FHDC1: variants seen among roughly 807,000 people sequenced by gnomAD.
FHDC1 encodes FH2 domain-containing protein 1.
A neutral mutation model predicts 52.6 loss-of-function variants in FHDC1; 25 were observed. The observed-to-expected ratio is 0.48, with a 90% CI of 0.35 to 0.66. FHDC1 has a LOEUF of 0.66. FHDC1 is among the 30% of genes least tolerant of loss of function. The probability of loss-of-function intolerance (pLI) is 0.01; values close to 1 mark genes in which losing one functional copy is unlikely to be tolerated. For missense variants in FHDC1, 1,459 were observed against 1,452.8 expected, an observed-to-expected ratio of 1.00 and a Z score of -0.07; for synonymous variants, 616 against 581.5, an observed-to-expected ratio of 1.06 and a Z score of -0.85.
intron 10 of FHDC1, among the ~76,000 whole-genome samples, chr4:152,969,708 C>T (rs1740579612): frequency 7.0e-6 from 1 of 141,932 alleles, no homozygotes; most frequent in Non-Finnish European, 1.5e-5. Flanking sequence ...CTCACCCTGT[C>T]ACCCAGGCTG....
upstream of FHDC1, among the ~76,000 whole-genome samples, chr4:152,934,499 A>G (rs1040470978): frequency 6.6e-6 from 1 of 152,206 alleles, no homozygotes; most frequent in African/African-American, 2.4e-5. Context: ...GGCCCTTCCA[A>G]GGATACATGT....
intron 8 of FHDC1, among the ~76,000 whole-genome samples, chr4:152,963,799 T>TTTTTTTC (rs1740369077): frequency 9.4e-6 from 1 of 106,020 alleles, no homozygotes. Context: ...TTTTTTTTTT[T>TTTTTTTC]TTTTGACTGG....
the FHDC1 span, among the ~76,000 whole-genome samples, chr4:152,924,834 G>A: frequency 2.9e-5 from 4 of 138,068 alleles, no homozygotes; most frequent in Non-Finnish European, 6.2e-5. Flanking sequence ...ACACAGGAAG[G>A]GGAACATCAC....
chr4:152,945,909 CT>C (rs1739717269), intron 2 of FHDC1, among the ~76,000 whole-genome samples: 1 of 152,250 alleles, frequency 6.6e-6, no homozygotes, highest in Admixed American at 6.5e-5. Context: ...TCCCTAGCCC[CT>C]GGCAGGCACC....
At chr4:152,915,226 G>T in the FHDC1 span, among the ~76,000 whole-genome samples, 6 of 152,084 alleles carry the variant, frequency 3.9e-5, no homozygotes, top group Non-Finnish European at 7.4e-5. Flanking sequence ...CCAACTCCTT[G>T]CATAGTTTTC....
At chr4:152,927,641 C>G in the FHDC1 span, 1 of 1,603,128 alleles carries the variant, frequency 6.2e-7, no homozygotes, top group Non-Finnish European at 8.5e-7. Flanking sequence ...GGACAGGAAG[C>G]AGCAGGAGTA....
chr4:152,976,022 T>C lies in FHDC1; in HGVS notation c.2731T>C (p.Ser911Pro). The change falls in exon 12 of 12, where the codon TCC becomes CCC. Residue 911 changes from serine (S) to proline (P), a missense_variant. Around this residue, in one of 3 missense-constraint regions of FHDC1, gnomAD observed 939 missense variants for 854.5 expected, o/e 1.10. Coordinates refer to ENST00000511601, the MANE Select transcript of FHDC1 (RefSeq NM_001371116.1). ...GCGCAAGGTCATGCCCATCACCAAG[T>C]CCAGCAGAGGCGCCGGCTGGAGGCG... ...SMRKVMPITK[S>P]SRGAGWRRPE... The C allele has an allele frequency of 1.9e-6, 3 of 1,557,762 alleles. No individual in the cohort carries two copies. Among genetic ancestry groups the C allele is most frequent in the Non-Finnish European group, 2.6e-6 (3 of 1,156,266 alleles).
At chr4:152,937,007 G>C (rs1739403288) in intron 1 of FHDC1, among the ~76,000 whole-genome samples, 1 of 152,250 alleles carries the variant, frequency 6.6e-6, no homozygotes, top group Non-Finnish European at 1.5e-5. Context: ...GCGAAGTTCG[G>C]ATTGCAAGTT....
rs752620919 is a variant in FHDC1, at chr4:152,976,015, C to G, written c.2724C>G (p.Ile908Met). ...AGAGCATGCGCAAGGTCATGCCCAT[C>G]ACCAAGTCCAGCAGAGGCGCCGGCT... ...ENESMRKVMP[I>M]TKSSRGAGWR... The change falls in exon 12 of 12, where the codon ATC becomes ATG. Residue 908 changes from isoleucine to methionine, a missense_variant. This residue lies in a region of FHDC1 where 939 missense variants were observed against 854.5 expected (regional missense o/e 1.10). Coordinates refer to ENST00000511601, the MANE Select transcript of FHDC1 (RefSeq NM_001371116.1). 1 of 1,550,018 alleles carries G rather than the reference C, an allele frequency of 6.5e-7. No homozygotes were observed. The highest frequency in any genetic ancestry group is 2.2e-5 in the East Asian group (1 of 44,482).
chr4:152,930,997 A>ACACACACACACACACTCTCTCT, the FHDC1 span, among the ~76,000 whole-genome samples: 53 of 113,244 alleles, frequency 4.7e-4, no homozygotes, highest in African/African-American at 1.7e-3. Context: ...ACACACACAC[A>ACACACACACACACACTCTCTCT]CTCTCTCTCT....
chr4:152,958,129 T>C (rs959149933), intron 4 of FHDC1, among the ~76,000 whole-genome samples: 4 of 152,172 alleles, frequency 2.6e-5, no homozygotes, highest in African/African-American at 9.6e-5. Flanking sequence ...TGGGAAATCC[T>C]GCCATTTCAA....
Position 152,943,199 on chromosome 4 carries a change from T to C in FHDC1, c.142T>C (p.Ser48Pro). 1 of 1,611,362 alleles carries C rather than the reference T, an allele frequency of 6.2e-7. No homozygotes were observed. The highest frequency in any genetic ancestry group is 8.5e-7 in the Non-Finnish European group (1 of 1,178,906). The change falls in exon 2 of 12, where the codon TCA (serine) becomes CCA (proline). Residue 48 changes from serine (S) to proline (P), a missense_variant. Around this residue, in one of 3 missense-constraint regions of FHDC1, gnomAD observed 513 missense variants for 581.5 expected, o/e 0.88. Coordinates refer to ENST00000511601, the MANE Select transcript of FHDC1 (RefSeq NM_001371116.1). Reference sequence around the variant, plus strand: ...TCCACCCCCTCCATCTCCACCATGTTCATGTTCAAGGGAAGAGTGTCCTTC... The same window carrying C: ...TCCACCCCCTCCATCTCCACCATGTCCATGTTCAAGGGAAGAGTGTCCTTC... ...PPPPPPSPPCSCSREECPSSP... is the reference protein window; with the variant it reads ...PPPPPPSPPCPCSREECPSSP...
At chr4:152,929,502 C>T in the FHDC1 span, among the ~76,000 whole-genome samples, 4 of 152,150 alleles carry the variant, frequency 2.6e-5, no homozygotes, top group Non-Finnish European at 4.4e-5. This position sits in a 1 kb window ranked among gnomAD's most constrained non-coding sequence, Gnocchi z 4.1. Flanking sequence ...GTTTGCCCAA[C>T]GACGCAGTTT....
intron 11 of FHDC1, among the ~76,000 whole-genome samples, chr4:152,973,275 C>T (rs1404893854): frequency 6.6e-6 from 1 of 152,234 alleles, no homozygotes; most frequent in Non-Finnish European, 1.5e-5. Context: ...CGTGAGTCAT[C>T]TCTCCCCCTC....
In FHDC1 at chr4:152,976,571, G is replaced by A. The variant is rs1561218228; in HGVS notation, c.3280G>A (p.Ala1094Thr). 6.2e-6 allele frequency: 10 copies of A among 1,612,716 alleles called. No homozygotes were observed. Among genetic ancestry groups the A allele is most frequent in the South Asian group, 1.1e-5 (1 of 91,026 alleles). Residue 1094 changes from alanine (A) to threonine (T), a missense_variant, in exon 12 of 12, where the codon GCC (alanine) becomes ACC (threonine). Ala to Thr is a moderately conservative substitution (Grantham distance 58). Transcript: ENST00000511601. The stretch of plus-strand genomic sequence containing the variant: ...TTTGAGGCGAGCCAGCAGTGCCCGG[G>A]CCCCCAAGAAGCGCCCAGAGTCTGC... ...STLRRASSAR[A>T]PKKRPESAEG... is the part of the protein sequence containing the mutation.
At chr4:152,949,170 A>AAGAAGAAGAAGAAGAAGCAGC (rs1165422183) in intron 2 of FHDC1, among the ~76,000 whole-genome samples, 2 of 142,572 alleles carry the variant, frequency 1.4e-5, no homozygotes, top group African/African-American at 2.6e-5. Flanking sequence ...GAAGAAGAAG[A>AAGAAGAAGAAGAAGAAGCAGC]AGCAGAAGAA....
At chr4:152,931,926 G>T (rs1255799409), upstream of FHDC1, among the ~76,000 whole-genome samples, 1 of 111,886 alleles carries the variant, frequency 8.9e-6, no homozygotes, top group Non-Finnish European at 1.7e-5. Context: ...GATGGAGCGA[G>T]AACCTGTCTA....
At chr4:152,950,262 T>C (rs530766871) in intron 2 of FHDC1, among the ~76,000 whole-genome samples, 4 of 152,192 alleles carry the variant, frequency 2.6e-5, no homozygotes, top group African/African-American at 4.8e-5. Flanking sequence ...CTAATTTACA[T>C]GTGCAGTGAT....
chr4:152,976,012 C>T lies in FHDC1; in HGVS notation c.2721C>T (p.Pro907=). The T allele has an allele frequency of 6.5e-7, 1 of 1,548,600 alleles. No homozygotes were observed. The highest frequency in any genetic ancestry group is 8.7e-7 in the Non-Finnish European group (1 of 1,151,598). ...SENESMRKVM[P]ITKSSRGAGW... is the part of the protein sequence containing the mutation. The stretch of plus-strand genomic sequence containing the variant: ...ACGAGAGCATGCGCAAGGTCATGCC[C>T]ATCACCAAGTCCAGCAGAGGCGCCG... Residue 907 remains proline, a synonymous_variant, in exon 12 of 12, where the codon CCC becomes CCT. Transcript: ENST00000511601.
Sources: gnomAD v4.1 joint callset for allele counts (sites outside exome capture counted in the v4.1 genomes callset) on GRCh38, gnomAD v4.1.1 for gene constraint, gnomAD v4.1.1 regional missense constraint, Gnocchi (gnomAD v3.1) non-coding constraint, MANE v1.5 for transcripts, NCBI Gene and HGNC (gene_info 2026-07-23, HGNC 2026-07-21) for gene names.